Variants in ESRRG observed in about 807,000 individuals in gnomAD.
ESRRG encodes the protein estrogen related receptor gamma.
In ESRRG, 13 loss-of-function variants were observed where a neutral mutation model predicts 44.0. That is an observed-to-expected ratio of 0.30 (90% CI 0.19 to 0.47). ESRRG has a LOEUF of 0.47. Among genes scored for constraint, ESRRG ranks in the 20% least tolerant of loss-of-function variants. The pLI, the probability that ESRRG is intolerant of heterozygous loss-of-function variation, is 1.00. For missense variants in ESRRG, 395 were observed against 580.6 expected, an observed-to-expected ratio of 0.68 and a Z score of 3.29; for synonymous variants, 215 against 214.6, an observed-to-expected ratio of 1.00 and a Z score of -0.02.
chr1:216,615,668 A>C (rs1429123605), intron 3 of ESRRG, among the ~76,000 whole-genome samples: 1 of 151,556 alleles, frequency 6.6e-6, no homozygotes, highest in Non-Finnish European at 1.5e-5. Context: ...TCCTCACTCT[A>C]GTGTTACCCA....
intron 1 of ESRRG, among the ~76,000 whole-genome samples, chr1:217,051,876 C>G (rs540490303): frequency 5.3e-5 from 8 of 152,284 alleles, no homozygotes; most frequent in Admixed American, 6.5e-5. Context: ...AATCCTCCCC[C>G]CTCAGCCTCC....
chr1:216,892,696 C>T (rs753604223), intron 2 of ESRRG, among the ~76,000 whole-genome samples: 8 of 152,102 alleles, frequency 5.3e-5, no homozygotes, highest in East Asian at 1.9e-4. Context: ...AGCGAAAGGA[C>T]GAAGCAGTGG....
rs189817322 is a variant in ESRRG at position 217,131,633 on chromosome 1, G to A, written c.-230+6034C>T. 2.0e-3 allele frequency among the ~76,000 whole-genome samples: 300 copies of A among 152,314 alleles called. 5 individuals carry two copies. Among genetic ancestry groups the A allele is most frequent in the Admixed American group, 0.018 (281 of 15,310 alleles). ...AAAATGAAGTGAGATATTGGAGGGC[G>A]CAGAAGACTTTGGAGGTTGTATACG... On this transcript the variant is annotated intron_variant, in intron 1 of 8. Transcript: ENST00000366940.
chr1:217,050,289 C>T (rs780706817), intron 1 of ESRRG, among the ~76,000 whole-genome samples: 1 of 152,064 alleles, frequency 6.6e-6, no homozygotes, highest in Non-Finnish European at 1.5e-5. Flanking sequence ...AGACGCAGTC[C>T]AACAAAAATT....
rs1558136123 is a variant in ESRRG at position 216,506,571 on chromosome 1, AAG to A, written c.*366_*367del. 1.3e-5 allele frequency: 6 copies of A among 459,192 alleles called. No homozygotes were observed. Among genetic ancestry groups the A allele is most frequent in the Admixed American group, 7.3e-5 (3 of 41,192 alleles). The allele number at this position is 459,192 out of a possible 1,614,324, so 28.4% of individuals were successfully genotyped here. A position where few individuals can be genotyped will look rare whatever the true frequency, so the allele number is the denominator to read the frequency against. ...TTAGAAAAAAGGGGAAGGATGAGAA[AAG>A]AGAGGAATGAGAGTAGGTAAAGAAA... On this transcript the variant is annotated 3_prime_UTR_variant, in exon 7 of 7. Coordinates refer to ENST00000408911, the MANE Select transcript of ESRRG (RefSeq NM_001438.4).
intron 1 of ESRRG, among the ~76,000 whole-genome samples, chr1:217,104,984 TG>T (rs1296907004): frequency 6.6e-6 from 1 of 152,170 alleles, no homozygotes. Context: ...TCATGTTCTG[TG>T]TGAATTCAGT....
intron 1 of ESRRG, among the ~76,000 whole-genome samples, chr1:217,054,150 TG>T (rs1026731614): frequency 2.0e-5 from 3 of 152,046 alleles, no homozygotes; most frequent in African/African-American, 7.2e-5. Context: ...TGACAAAACA[TG>T]GGTATTTTTC....
intron 6 of ESRRG, among the ~76,000 whole-genome samples, chr1:216,517,489 G>T (rs2044693943): frequency 6.6e-6 from 1 of 151,992 alleles, no homozygotes; most frequent in Non-Finnish European, 1.5e-5. Flanking sequence ...CAGCATTCAT[G>T]GTTAGTTAAT....
intron 2 of ESRRG, among the ~76,000 whole-genome samples, chr1:216,771,789 C>A (rs1037895072): frequency 1.0e-4 from 15 of 145,378 alleles, no homozygotes; most frequent in African/African-American, 3.3e-4. Context: ...AATTTAATTA[C>A]AGTATTTTTA....
At chr1:216,614,777 T>C (rs2150363962) in intron 3 of ESRRG, among the ~76,000 whole-genome samples, 2 of 152,338 alleles carry the variant, frequency 1.3e-5, no homozygotes, top group Non-Finnish European at 2.9e-5. Context: ...TGAAACATAT[T>C]TATACCGCAT....
chr1:216,817,402 T>C (rs2095172584), intron 2 of ESRRG, among the ~76,000 whole-genome samples: 2 of 152,150 alleles, frequency 1.3e-5, no homozygotes, highest in Admixed American at 1.3e-4. Flanking sequence ...TAGAAAAGAT[T>C]AAGAGGCAAG....
At chr1:216,511,547 T>TCACACACACACACACACACACACACA (rs79870471) in intron 6 of ESRRG, among the ~76,000 whole-genome samples, 18,357 of 144,524 alleles carry the variant, frequency 0.13, 1,413 homozygotes, top group Non-Finnish European at 0.17. Flanking sequence ...ATACATAAAT[T>TCACACACACACACACACACACACACA]CACACACACA....
chr1:216,635,831 C>T (rs1353316665), intron 3 of ESRRG, among the ~76,000 whole-genome samples: 1 of 152,106 alleles, frequency 6.6e-6, no homozygotes, highest in African/African-American at 2.4e-5. Flanking sequence ...GTGAACATAG[C>T]ACTTGGTCAT....
At chr1:216,854,711 A>G (rs2149026380) in intron 2 of ESRRG, among the ~76,000 whole-genome samples, 1 of 152,288 alleles carries the variant, frequency 6.6e-6, no homozygotes, top group Non-Finnish European at 1.5e-5. Context: ...GCTGTGATAT[A>G]ATTGCAAAAA....
intron 1 of ESRRG, among the ~76,000 whole-genome samples, chr1:217,052,152 C>T (rs1031652498): frequency 6.6e-6 from 1 of 152,074 alleles, no homozygotes; most frequent in African/African-American, 2.4e-5. Context: ...ATAAAGTACT[C>T]GATCAGAATG....
At chr1:216,736,322 T>C (rs111977470) in intron 2 of ESRRG, among the ~76,000 whole-genome samples, 9,489 of 151,426 alleles carry the variant, frequency 0.063, 368 homozygotes, top group African/African-American at 0.092. Context: ...TAGCTGGGAC[T>C]ACAGCCGTCC....
chr1:217,136,422 C>T (rs2093050586), intron 1 of ESRRG, among the ~76,000 whole-genome samples: 1 of 152,216 alleles, frequency 6.6e-6, no homozygotes, highest in Non-Finnish European at 1.5e-5. Flanking sequence ...TACTTCAACC[C>T]TAGGCTCTGG....
intron 5 of ESRRG, among the ~76,000 whole-genome samples, chr1:216,522,305 C>T (rs528267226): frequency 7.6e-4 from 82 of 108,472 alleles, no homozygotes; most frequent in African/African-American, 2.7e-3. Context: ...CATGAGGAGA[C>T]GGATATAGCA....
rs145908895 is a variant in ESRRG, at chr1:216,722,790, C to T, written c.56+454G>A. On this transcript the variant is annotated intron_variant, in intron 1 of 6. Coordinates refer to ENST00000408911, the MANE Select transcript of ESRRG (RefSeq NM_001438.4). ...ATGTGCAATTTTGCCTCTAACTCTG[C>T]GCGGTAAGAAATGACAAGGAGCTGA... 5.2e-3 allele frequency among the ~76,000 whole-genome samples: 787 copies of T among 152,252 alleles called. 5 individuals carry two copies. The highest frequency in any genetic ancestry group is 8.6e-3 in the Admixed American group (131 of 15,304).
Sources: gnomAD v4.1 joint callset for allele counts (sites outside exome capture counted in the v4.1 genomes callset) on GRCh38, gnomAD v4.1.1 for gene constraint, MANE v1.5 for transcripts, NCBI Gene and HGNC (gene_info 2026-07-23, HGNC 2026-07-21) for gene names.